Variants in SEC31A observed in about 807,000 individuals in gnomAD.
SEC31A encodes the protein SEC31 homolog A, COPII component.
In SEC31A, 70 loss-of-function variants were observed where a neutral mutation model predicts 151.0. That is an observed-to-expected ratio of 0.46 (90% CI 0.38 to 0.57). The LOEUF (loss-of-function observed/expected upper bound fraction) is 0.57. Among genes scored for constraint, SEC31A ranks in the 20% least tolerant of loss-of-function variants. The pLI is 0.00. For missense variants in SEC31A, 1,330 were observed against 1,471.2 expected (o/e 0.90, Z 1.57); for synonymous variants, 475 against 505.9 (o/e 0.94, Z 0.82).
At chr4:82,869,377 G>A (rs1428151267) in intron 8 of SEC31A, among the ~76,000 whole-genome samples, 2 of 149,268 alleles carry the variant, frequency 1.3e-5, no homozygotes, top group East Asian at 2.0e-4. Context: ...TGCTCTGCCC[G>A]CCTCAGCCTC....
chr4:82,867,922 C>G (rs528730432), intron 8 of SEC31A, among the ~76,000 whole-genome samples: 2 of 152,200 alleles, frequency 1.3e-5, no homozygotes, highest in African/African-American at 4.8e-5. Context: ...CGTGAGCCAC[C>G]GCACCCGGCC....
At position 82,825,675 on chromosome 4, in the gene SEC31A, C is replaced by A. The variant is rs555994288; in HGVS notation, c.3292-1001G>T. Among the ~76,000 whole-genome samples the A allele has an allele frequency of 7.9e-5, 12 of 152,148 alleles. No homozygotes were observed. The South Asian group carries it at 2.5e-3, about 32-fold the overall frequency. ...ACTATTTTGGTCCTTATACTGAGAACAATGGGAAGCTGTAATGTTTTAGGC... is the reference window on the plus strand; with the variant it reads ...ACTATTTTGGTCCTTATACTGAGAAAAATGGGAAGCTGTAATGTTTTAGGC... On this transcript the variant is annotated intron_variant, in intron 24 of 26. Coordinates refer to ENST00000395310, the MANE Select transcript of SEC31A (RefSeq NM_001077207.4).
chr4:82,871,240 G>A (rs892846296), intron 7 of SEC31A: 37 of 1,250,470 alleles, frequency 3.0e-5, no homozygotes, highest in Non-Finnish European at 3.1e-5. Flanking sequence ...CATGATTAAC[G>A]AAAAAAGTTA....
intron 10 of SEC31A, among the ~76,000 whole-genome samples, chr4:82,865,797 G>C (rs1454529910): frequency 2.6e-5 from 4 of 151,964 alleles, no homozygotes; most frequent in African/African-American, 4.8e-5. Flanking sequence ...GAAATGGGGA[G>C]CTGTTGTTCA....
At chr4:82,834,444 CTA>C (rs1726749378) in intron 22 of SEC31A, among the ~76,000 whole-genome samples, 1 of 152,146 alleles carries the variant, frequency 6.6e-6, no homozygotes, top group African/African-American at 2.4e-5. Flanking sequence ...GTCTATGGAA[CTA>C]TTTTCTTATG....
At chr4:82,867,086 T>C (rs1735579868) in intron 9 of SEC31A, 69 bp downstream of exon 9, 1 of 1,554,150 alleles carries the variant, frequency 6.4e-7, no homozygotes, top group South Asian at 1.2e-5. Context: ...AGTGAAGTCA[T>C]TTCAAAATAT....
At chr4:82,845,288 T>C in intron 20 of SEC31A, 1 of 1,510,516 alleles carries the variant, frequency 6.6e-7, no homozygotes. Flanking sequence ...TAGGGGCAAT[T>C]CTAACCTGAA....
chr4:82,867,220 G>A lies in SEC31A; in HGVS notation c.979C>T (p.Arg327Cys), dbSNP rs781481399. The A allele has an allele frequency of 3.7e-6, 6 of 1,613,618 alleles. No homozygotes were observed. Among genetic ancestry groups the A allele is most frequent in the Admixed American group, 1.7e-5 (1 of 60,010 alleles). ...AVLSAASFDG[R>C]ISVYSIMGGS... ...CCCATGATAGAATAAACACTGATAC[G>A]CCCATCAAACGAAGCAGCTGATAAG... Residue 327 changes from arginine to cysteine, a missense_variant, in exon 9 of 27, where the codon CGT (arginine) becomes TGT (cysteine). Physicochemically the swap from Arg to Cys is radical, Grantham distance 180 (BLOSUM62 -3). Transcript: ENST00000395310.
chr4:82,889,599 A>T (rs903594242), intron 1 of SEC31A, among the ~76,000 whole-genome samples: 1 of 151,876 alleles, frequency 6.6e-6, no homozygotes, highest in Admixed American at 6.6e-5. Context: ...ATGTGTGTAT[A>T]TGTGCATTCT....
At chr4:82,869,332 G>A (rs533268698) in intron 8 of SEC31A, among the ~76,000 whole-genome samples, 33 of 148,874 alleles carry the variant, frequency 2.2e-4, no homozygotes, top group African/African-American at 7.7e-4. Context: ...GGGTTTCATC[G>A]TGTTAGCCAG....
chr4:82,873,339 G>A (rs941791932), intron 6 of SEC31A, among the ~76,000 whole-genome samples: 13 of 150,718 alleles, frequency 8.6e-5, no homozygotes, highest in African/African-American at 1.5e-4. Context: ...CTGGGTGACA[G>A]AGTGAGAGTC....
chr4:82,888,374 C>T (rs1038610121), intron 1 of SEC31A, among the ~76,000 whole-genome samples: 1 of 10,728 alleles, frequency 9.3e-5, no homozygotes, highest in African/African-American at 2.5e-4. Flanking sequence ...AAAAAAAAAA[C>T]ACACAAAAAA....
At chr4:82,839,075 C>T (rs1036942561) in intron 22 of SEC31A, among the ~76,000 whole-genome samples, 12 of 152,134 alleles carry the variant, frequency 7.9e-5, no homozygotes, top group African/African-American at 1.2e-4. Context: ...CTCCGGAGTT[C>T]AAGCGATTCT....
At position 82,871,295 on chromosome 4, in the gene SEC31A, T is replaced by C. The variant is rs1400702826; in HGVS notation, c.782+649A>G. On this transcript the variant is annotated intron_variant, in intron 7 of 26. Transcript: ENST00000395310. Reference sequence around the variant, plus strand: ...TATCCTATTTGTATAAAAATTATATTGGGATTATACATGCATACACACACA... The same window carrying C: ...TATCCTATTTGTATAAAAATTATATCGGGATTATACATGCATACACACACA... 7 of 1,386,120 alleles carry C rather than the reference T, an allele frequency of 5.1e-6. No individual in the cohort carries two copies. The Admixed American group carries it at 1.6e-4, about 32-fold the overall frequency. 85.9% of individuals were successfully genotyped at this position (1,386,120 alleles called of 1,614,324 possible).
Position 82,851,567 on chromosome 4 carries a change from AC to A in SEC31A, c.2191del (p.Val731CysfsTer12). On this transcript the variant is annotated frameshift_variant, in exon 19 of 27. Transcript: ENST00000395310. LOFTEE classifies it high-confidence loss of function. ...AGTGTCCATGGCTTGAGTGAGTTGC[AC>A]AGCTTTTCGCAGGATGACAACTTTC... ...IEKVVILRKA[V>X]QLTQAMDTST... 1 of 1,612,192 alleles carries A rather than the reference AC, an allele frequency of 6.2e-7. No individual in the cohort carries two copies. The highest frequency in any genetic ancestry group is 8.5e-7 in the Non-Finnish European group (1 of 1,179,058).
At chr4:82,849,487 A>C (rs1730975932) in intron 19 of SEC31A, among the ~76,000 whole-genome samples, 1 of 151,470 alleles carries the variant, frequency 6.6e-6, no homozygotes, top group Non-Finnish European at 1.5e-5. Context: ...GGTGGCGGGC[A>C]CCTGTAGTCC....
Position 82,826,114 on chromosome 4 carries a change from T to G in SEC31A, c.3291+1255A>C, listed in dbSNP as rs144001466. 2.6e-3 allele frequency among the ~76,000 whole-genome samples: 394 copies of G among 152,272 alleles called. 1 individual carries two copies. Among genetic ancestry groups the G allele is most frequent in the African/African-American group, 8.8e-3 (367 of 41,546 alleles). ...GCTGAACACTATGTATCTTTCTCTTTTGATGGTAACTAAGGTTCAGGTCTA... is the reference window on the plus strand; with the variant it reads ...GCTGAACACTATGTATCTTTCTCTTGTGATGGTAACTAAGGTTCAGGTCTA... On this transcript the variant is annotated intron_variant, in intron 24 of 26. Coordinates refer to ENST00000395310, the MANE Select transcript of SEC31A (RefSeq NM_001077207.4).
At chr4:82,845,082 G>A in intron 20 of SEC31A, 1 of 644,456 alleles carries the variant, frequency 1.6e-6, no homozygotes, top group Non-Finnish European at 2.6e-6. Context: ...AAAATGCAAT[G>A]AGCAGGCAGA....
chr4:82,846,713 T>TTTTG (rs1176249500), intron 20 of SEC31A, among the ~76,000 whole-genome samples: 1 of 55,274 alleles, frequency 1.8e-5, no homozygotes, highest in Admixed American at 3.6e-4. Context: ...TTCATTATTT[T>TTTTG]TTTGTTTGTT....
Sources: gnomAD v4.1 joint callset for allele counts (sites outside exome capture counted in the v4.1 genomes callset) on GRCh38, gnomAD v4.1.1 for gene constraint, MANE v1.5 for transcripts, NCBI Gene and HGNC (gene_info 2026-07-23, HGNC 2026-07-21) for gene names.